GABBR2: variants seen among roughly 807,000 people sequenced by gnomAD.
GABBR2 encodes the protein G-protein coupled receptor 51.
GABBR2 carries 23 observed loss-of-function variants against 105.6 expected under a neutral mutation model. The observed-to-expected ratio is 0.22, with a 90% CI of 0.16 to 0.31. The LOEUF (loss-of-function observed/expected upper bound fraction) is 0.31. GABBR2 is among the 10% of genes least tolerant of loss of function. The pLI, the probability that GABBR2 is intolerant of heterozygous loss-of-function variation, is 1.00. For missense variants in GABBR2, 734 were observed against 1,245.5 expected (o/e 0.59, Z 6.18); for synonymous variants, 478 against 499.7 (o/e 0.96, Z 0.58).
At chr9:98,651,656 T>A (rs1052673926) in intron 1 of GABBR2, among the ~76,000 whole-genome samples, 1 of 151,014 alleles carries the variant, frequency 6.6e-6, no homozygotes, top group South Asian at 2.1e-4. Flanking sequence ...GGTTTCAAAC[T>A]CCTGGCCTCA....
chr9:98,322,910 GTCA>G (rs1026853101), intron 13 of GABBR2, among the ~76,000 whole-genome samples: 2 of 151,876 alleles, frequency 1.3e-5, no homozygotes, highest in South Asian at 2.1e-4. Flanking sequence ...CCCCACCCCT[GTCA>G]TCTGTACTTC....
intron 9 of GABBR2, among the ~76,000 whole-genome samples, chr9:98,392,368 G>T (rs533302704): frequency 6.6e-6 from 1 of 152,210 alleles, no homozygotes; most frequent in Non-Finnish European, 1.5e-5. Flanking sequence ...TCCCCAGTCC[G>T]ATAGCAGACA....
intron 9 of GABBR2, among the ~76,000 whole-genome samples, chr9:98,393,598 T>G (rs183890546): frequency 1.3e-5 from 2 of 152,350 alleles, no homozygotes; most frequent in East Asian, 3.9e-4. Flanking sequence ...GAATTTAAAG[T>G]TAAATAGGAT....
intron 1 of GABBR2, among the ~76,000 whole-genome samples, chr9:98,696,470 G>T (rs1364084962): frequency 1.3e-5 from 2 of 152,206 alleles, no homozygotes; most frequent in Non-Finnish European, 2.9e-5. Context: ...GGACTGGTTT[G>T]CTGGGTCAGT....
At chr9:98,486,251 G>T (rs188317706) in intron 4 of GABBR2, among the ~76,000 whole-genome samples, 39 of 152,308 alleles carry the variant, frequency 2.6e-4, no homozygotes, top group African/African-American at 9.1e-4. Flanking sequence ...CCTATCTACC[G>T]CCTCCCAGTT....
chr9:98,327,264 C>A (rs188224742), intron 13 of GABBR2, among the ~76,000 whole-genome samples: 50 of 152,178 alleles, frequency 3.3e-4, no homozygotes, highest in African/African-American at 1.2e-3. Flanking sequence ...GGGAACTGTT[C>A]GGGGGCTTCC....
At chr9:98,341,840 A>T (rs1220608793) in intron 13 of GABBR2, among the ~76,000 whole-genome samples, 4 of 152,230 alleles carry the variant, frequency 2.6e-5, no homozygotes, top group Admixed American at 2.6e-4. Context: ...GTAATATTAA[A>T]TTAAATTGCA....
intron 1 of GABBR2, among the ~76,000 whole-genome samples, chr9:98,678,699 T>G (rs895138532): frequency 9.9e-5 from 15 of 152,170 alleles, no homozygotes; most frequent in African/African-American, 3.6e-4. Context: ...CACCTCCAAA[T>G]TTTCAGAGTG....
intron 4 of GABBR2, among the ~76,000 whole-genome samples, chr9:98,494,400 G>T (rs1827235678): frequency 6.6e-6 from 1 of 152,184 alleles, no homozygotes; most frequent in East Asian, 1.9e-4. Context: ...GTACAAGAAG[G>T]AGCTGTGCAG....
intron 2 of GABBR2, among the ~76,000 whole-genome samples, chr9:98,573,781 T>C (rs1234783471): frequency 6.6e-6 from 1 of 152,182 alleles, no homozygotes; most frequent in Non-Finnish European, 1.5e-5. Context: ...TTTCTGGCTG[T>C]TTTTTCCTAC....
chr9:98,521,445 C>T (rs754887890), intron 3 of GABBR2, among the ~76,000 whole-genome samples: 2 of 152,128 alleles, frequency 1.3e-5, no homozygotes, highest in African/African-American at 2.4e-5. Flanking sequence ...CACCTATCAC[C>T]CTGCAACCCA....
At chr9:98,319,471 A>G (rs1830782115) in intron 13 of GABBR2, among the ~76,000 whole-genome samples, 1 of 150,328 alleles carries the variant, frequency 6.7e-6, no homozygotes, top group Non-Finnish European at 1.5e-5. Flanking sequence ...TTTTTCCAGA[A>G]TCAGAGATCT....
intron 7 of GABBR2, among the ~76,000 whole-genome samples, chr9:98,429,426 C>G (rs62574617): frequency 0.017 from 2,599 of 152,282 alleles, 28 homozygotes; most frequent in Non-Finnish European, 0.024. Context: ...CAGGCATGAG[C>G]CACCACGCCT....
At chr9:98,449,566 T>C (rs1281162683) in intron 7 of GABBR2, among the ~76,000 whole-genome samples, 1 of 152,134 alleles carries the variant, frequency 6.6e-6, no homozygotes, top group African/African-American at 2.4e-5. Flanking sequence ...AGTTATGGGG[T>C]GGGGCCAGGG....
chr9:98,362,897 CT>C, intron 12 of GABBR2, 60 bp from the exon 13 acceptor site: 1 of 1,420,946 alleles, frequency 7.0e-7, no homozygotes, highest in Non-Finnish European at 9.3e-7. Flanking sequence ...CACGCAGCAA[CT>C]GGGGGCCCAG....
intron 13 of GABBR2, among the ~76,000 whole-genome samples, chr9:98,328,659 A>C (rs1830967096): frequency 6.6e-6 from 1 of 152,216 alleles, no homozygotes; most frequent in Middle Eastern, 3.2e-3. Context: ...AGTGAAATTA[A>C]GTTTTGCATT....
At chr9:98,651,629 G>A (rs1270424163) in intron 1 of GABBR2, among the ~76,000 whole-genome samples, 7 of 151,514 alleles carry the variant, frequency 4.6e-5, no homozygotes, top group South Asian at 2.1e-4. Flanking sequence ...GATGGGTCTC[G>A]CTATGTTTTC....
At chr9:98,376,937 C>T (rs929251736) in intron 11 of GABBR2, among the ~76,000 whole-genome samples, 14 of 152,104 alleles carry the variant, frequency 9.2e-5, no homozygotes, top group Non-Finnish European at 2.1e-4. Context: ...CCGTCTGGGC[C>T]CTTTCTGAAG....
At chr9:98,562,840 TGAGAG>T (rs1357337154) in intron 2 of GABBR2, among the ~76,000 whole-genome samples, 1 of 151,680 alleles carries the variant, frequency 6.6e-6, no homozygotes, top group Non-Finnish European at 1.5e-5. Context: ...GAGGCCTAGG[TGAGAG>T]GATCACTTGA....
Sources: allele counts gnomAD v4.1 joint callset (sites outside exome capture counted in the v4.1 genomes callset), GRCh38; gene constraint gnomAD v4.1.1; transcripts MANE v1.5; gene names NCBI Gene and HGNC (gene_info 2026-07-23, HGNC 2026-07-21).